Variants in HPSE2 observed in about 807,000 individuals in gnomAD.
The protein encoded by HPSE2 is heparanase 2 (inactive), also known as inactive heparanase-2.
Under a neutral mutation model 60.5 loss-of-function variants are expected in HPSE2, and 38 were observed. That is an observed-to-expected ratio of 0.63 (90% CI 0.48 to 0.82). HPSE2 has a LOEUF of 0.82. Among genes scored for constraint, HPSE2 ranks in the 40% least tolerant of loss-of-function variants. The probability of loss-of-function intolerance (pLI) is 0.00; values close to 1 mark genes in which losing one functional copy is unlikely to be tolerated. For missense variants in HPSE2, 713 were observed against 740.4 expected, an observed-to-expected ratio of 0.96 and a Z score of 0.43; for synonymous variants, 295 against 293.2, an observed-to-expected ratio of 1.01 and a Z score of -0.06.
intron 3 of HPSE2, among the ~76,000 whole-genome samples, chr10:98,809,759 A>G (rs763561855): frequency 2.0e-5 from 3 of 152,198 alleles, no homozygotes; most frequent in Admixed American, 2.0e-4. Context: ...ATAGAATAAT[A>G]AAAGTATACA....
At chr10:99,244,523 C>T in the HPSE2 span, among the ~76,000 whole-genome samples, 1 of 148,908 alleles carries the variant, frequency 6.7e-6, no homozygotes, top group Non-Finnish European at 1.5e-5. Flanking sequence ...CCTCTCACTT[C>T]AGCAGCCTTG....
At chr10:99,286,366 A>G in the HPSE2 span, among the ~76,000 whole-genome samples, 1 of 152,228 alleles carries the variant, frequency 6.6e-6, no homozygotes, top group Non-Finnish European at 1.5e-5. Context: ...TTATATATGT[A>G]CACAATGGAA....
intron 3 of HPSE2, among the ~76,000 whole-genome samples, chr10:98,900,637 T>C (rs1953639980): frequency 6.6e-6 from 1 of 152,132 alleles, no homozygotes; most frequent in Non-Finnish European, 1.5e-5. Flanking sequence ...AAAACTGTTA[T>C]AAAAAATACA....
At chr10:98,705,753 C>T (rs1948530727) in intron 5 of HPSE2, among the ~76,000 whole-genome samples, 2 of 151,926 alleles carry the variant, frequency 1.3e-5, no homozygotes, top group Admixed American at 1.3e-4. Context: ...TGGGTCCAGT[C>T]GCGGGGTGGG....
chr10:98,554,466 T>C (rs765999712), intron 9 of HPSE2, among the ~76,000 whole-genome samples: 2 of 152,214 alleles, frequency 1.3e-5, no homozygotes, highest in African/African-American at 2.4e-5. Flanking sequence ...CTGTACTTCA[T>C]TGTGTCTTGA....
chr10:98,996,262 G>A (rs956522882), intron 3 of HPSE2, among the ~76,000 whole-genome samples: 5 of 152,094 alleles, frequency 3.3e-5, no homozygotes, highest in Non-Finnish European at 7.4e-5. Context: ...CAACTCTTCT[G>A]CAAATCCAAA....
chr10:98,964,993 T>C (rs1414903779), intron 3 of HPSE2, among the ~76,000 whole-genome samples: 1 of 152,174 alleles, frequency 6.6e-6, no homozygotes, highest in Non-Finnish European at 1.5e-5. Context: ...AACTTGATTC[T>C]CATGTTTCCA....
intron 9 of HPSE2, among the ~76,000 whole-genome samples, chr10:98,521,713 A>G (rs1942799113): frequency 1.3e-5 from 2 of 152,242 alleles, no homozygotes; most frequent in Admixed American, 1.3e-4. Flanking sequence ...TCTTCACAAT[A>G]GCAAGGACTT....
chr10:99,184,454 G>A (rs956357075), intron 2 of HPSE2, among the ~76,000 whole-genome samples: 1 of 142,992 alleles, frequency 7.0e-6, no homozygotes, highest in Non-Finnish European at 1.5e-5. Flanking sequence ...GAACCCAGGA[G>A]GTGGAGGTTG....
intron 4 of HPSE2, among the ~76,000 whole-genome samples, chr10:98,731,901 GA>G (rs1329582942): frequency 6.6e-6 from 1 of 152,024 alleles, no homozygotes; most frequent in Non-Finnish European, 1.5e-5. Flanking sequence ...CACAGGAGGG[GA>G]AAAAATACAA....
At chr10:98,767,042 C>T (rs552418950) in intron 3 of HPSE2, among the ~76,000 whole-genome samples, 57 of 152,150 alleles carry the variant, frequency 3.7e-4, no homozygotes, top group African/African-American at 1.3e-3. Flanking sequence ...AGAATATATC[C>T]GACAAAATTC....
At chr10:98,836,208 G>A (rs1951786590) in intron 3 of HPSE2, among the ~76,000 whole-genome samples, 1 of 152,164 alleles carries the variant, frequency 6.6e-6, no homozygotes, top group Non-Finnish European at 1.5e-5. Flanking sequence ...TAGATGAGGT[G>A]TTGTCTCATT....
intron 3 of HPSE2, among the ~76,000 whole-genome samples, chr10:98,841,236 G>A (rs1040198000): frequency 2.0e-5 from 3 of 152,088 alleles, no homozygotes; most frequent in Non-Finnish European, 2.9e-5. Context: ...CAGCCTGGGC[G>A]GCAGAGCAAG....
chr10:98,921,441 A>G (rs1445705436), intron 3 of HPSE2, among the ~76,000 whole-genome samples: 1 of 152,196 alleles, frequency 6.6e-6, no homozygotes. Flanking sequence ...GCAAAGGGAA[A>G]GCTGGCCTCT....
chr10:98,511,827 T>C (rs900652871), intron 9 of HPSE2, among the ~76,000 whole-genome samples: 4 of 152,238 alleles, frequency 2.6e-5, no homozygotes, highest in African/African-American at 9.6e-5. Context: ...CTGACAGGTC[T>C]TGCTGCAGGT....
At chr10:98,848,549 CT>C (rs1007286599) in intron 3 of HPSE2, among the ~76,000 whole-genome samples, 1 of 152,148 alleles carries the variant, frequency 6.6e-6, no homozygotes, top group African/African-American at 2.4e-5. Flanking sequence ...TGTTTATATT[CT>C]GGTAATTTTT....
At chr10:99,240,411 T>TC, upstream of HPSE2, among the ~76,000 whole-genome samples, 1 of 140,502 alleles carries the variant, frequency 7.1e-6, no homozygotes, top group Admixed American at 7.5e-5. Context: ...ATGATTTTCT[T>TC]TTTTTTTTTT....
chr10:99,314,840 A>T, the HPSE2 span, among the ~76,000 whole-genome samples: 2 of 152,234 alleles, frequency 1.3e-5, no homozygotes, highest in Non-Finnish European at 2.9e-5. Context: ...ATCTCCTCAG[A>T]GTTACATACC....
chr10:99,277,537 C>T, the HPSE2 span, among the ~76,000 whole-genome samples: 15 of 152,064 alleles, frequency 9.9e-5, no homozygotes, highest in Non-Finnish European at 1.5e-4. Flanking sequence ...GGTTTTTCAC[C>T]AAGTGAGAGC....
Sources: gnomAD v4.1 joint callset for allele counts (sites outside exome capture counted in the v4.1 genomes callset) on GRCh38, gnomAD v4.1.1 for gene constraint, MANE v1.5 for transcripts, NCBI Gene and HGNC (gene_info 2026-07-23, HGNC 2026-07-21) for gene names.